PDE1C: variants seen among roughly 807,000 people sequenced by gnomAD.
The protein encoded by PDE1C is dual specificity calcium/calmodulin-dependent 3',5'-cyclic nucleotide phosphodiesterase 1C.
Under a neutral mutation model 93.1 loss-of-function variants are expected in PDE1C, and 62 were observed. The ratio of observed to expected loss-of-function variants is 0.67; its 90% CI spans 0.54 to 0.82. PDE1C has a LOEUF of 0.82. Among genes scored for constraint, PDE1C ranks in the 40% least tolerant of loss-of-function variants. The probability of loss-of-function intolerance (pLI) is 0.00; values close to 1 mark genes in which losing one functional copy is unlikely to be tolerated. For missense variants in PDE1C, 742 were observed against 884.6 expected, an observed-to-expected ratio of 0.84 and a Z score of 2.04; for synonymous variants, 325 against 310.1, an observed-to-expected ratio of 1.05 and a Z score of -0.50.
the PDE1C span, among the ~76,000 whole-genome samples, chr7:31,676,778 T>C: frequency 2.0e-5 from 3 of 151,924 alleles, no homozygotes; most frequent in East Asian, 5.8e-4. Context: ...ATGAATAAAA[T>C]TTAAATAGAC....
chr7:31,921,899 A>G (rs7798000), intron 2 of PDE1C, among the ~76,000 whole-genome samples: 15,180 of 152,262 alleles, frequency 0.1, 976 homozygotes, highest in Admixed American at 0.21. Flanking sequence ...CTACATAAGT[A>G]TTTTATACAC....
chr7:31,850,478 T>A (rs770468590), intron 8 of PDE1C, among the ~76,000 whole-genome samples, 163 bp downstream of exon 8: 1 of 152,132 alleles, frequency 6.6e-6, no homozygotes, highest in African/African-American at 2.4e-5. Flanking sequence ...ACTCTAAGTC[T>A]TGATTGAAGC....
At chr7:32,243,895 GC>G (rs1244141334) in intron 1 of PDE1C, among the ~76,000 whole-genome samples, 1 of 152,182 alleles carries the variant, frequency 6.6e-6, no homozygotes, top group Non-Finnish European at 1.5e-5. Context: ...TTCTGAACTG[GC>G]TGTAGAAAGA....
intron 1 of PDE1C, among the ~76,000 whole-genome samples, chr7:32,293,344 C>T (rs1034863811): frequency 5.9e-5 from 9 of 152,094 alleles, no homozygotes; most frequent in Non-Finnish European, 8.8e-5. Context: ...CCCCTAAAAG[C>T]GGGCACTCTA....
intron 2 of PDE1C, among the ~76,000 whole-genome samples, chr7:32,035,495 TTTGTTTGGTTG>T (rs1229096725): frequency 6.6e-6 from 1 of 152,208 alleles, no homozygotes; most frequent in African/African-American, 2.4e-5. Context: ...ACCTAGCTTG[TTTGTTTGGTTG>T]TTGTTTGTTT....
At chr7:31,770,556 G>C (rs1276487177) in intron 17 of PDE1C, among the ~76,000 whole-genome samples, 1 of 151,946 alleles carries the variant, frequency 6.6e-6, no homozygotes, top group Admixed American at 6.6e-5. Flanking sequence ...CTGTTGCCCA[G>C]GCTGGGGTGC....
Position 32,193,916 on chromosome 7 carries a change from G to GTT in PDE1C, c.136+15571_136+15572dup, listed in dbSNP as rs1554283858. Among the ~76,000 whole-genome samples, 212 of 115,240 alleles carry GTT rather than the reference G, an allele frequency of 1.8e-3. 1 individual carries two copies. Among genetic ancestry groups the GTT allele is most frequent in the Non-Finnish European group, 2.4e-3 (140 of 58,450 alleles). The allele number at this position is 115,240 out of a possible 152,430, so 75.6% of individuals were successfully genotyped here. On this transcript the variant is annotated intron_variant, in intron 2 of 18. Transcript: ENST00000396193. ...TGGTTTTTTTTTTTGGTTTTGTTTT[G>GTT]TTTTTTTTTTTTTTTTGAGACGGAG...
chr7:31,988,412 C>G (rs1783691077), intron 2 of PDE1C, among the ~76,000 whole-genome samples: 1 of 152,200 alleles, frequency 6.6e-6, no homozygotes, highest in Admixed American at 6.5e-5. Flanking sequence ...CCTAACCACT[C>G]AAAAGATGAC....
chr7:32,220,744 G>A (rs1354773390), intron 1 of PDE1C, among the ~76,000 whole-genome samples: 2 of 152,226 alleles, frequency 1.3e-5, no homozygotes, highest in Non-Finnish European at 2.9e-5. Flanking sequence ...CGTGAACCCA[G>A]GAGGTGGAGC....
chr7:31,768,126 T>C (rs6953778), intron 17 of PDE1C, among the ~76,000 whole-genome samples: 1 of 152,074 alleles, frequency 6.6e-6, no homozygotes, highest in Admixed American at 6.5e-5. Flanking sequence ...TCTAAATAGC[T>C]TGTTTAATCA....
chr7:31,631,448 C>T, the PDE1C span, among the ~76,000 whole-genome samples: 4 of 152,116 alleles, frequency 2.6e-5, no homozygotes, highest in African/African-American at 9.7e-5. Context: ...AGATTTTAGT[C>T]ATTTTCTTAC....
chr7:31,691,134 T>C, the PDE1C span, among the ~76,000 whole-genome samples: 7 of 152,248 alleles, frequency 4.6e-5, no homozygotes, highest in African/African-American at 1.7e-4. Flanking sequence ...CTGAAGTCAC[T>C]CAGTACAATC....
the PDE1C span, among the ~76,000 whole-genome samples, chr7:31,629,088 G>T: frequency 1.9e-4 from 29 of 152,126 alleles, no homozygotes; most frequent in African/African-American, 5.6e-4. Flanking sequence ...TGTTCACTTA[G>T]CCCTGGAAAC....
chr7:32,421,912 G>C (rs1488680815), intron 1 of PDE1C, among the ~76,000 whole-genome samples: 1 of 152,086 alleles, frequency 6.6e-6, no homozygotes, highest in Admixed American at 6.6e-5. Context: ...TGGCTAGGCA[G>C]GTTACTTGAT....
At chr7:32,077,122 C>T (rs1432778934) in intron 3 of PDE1C, among the ~76,000 whole-genome samples, 1 of 152,158 alleles carries the variant, frequency 6.6e-6, no homozygotes. Flanking sequence ...TTCCTGTAGT[C>T]CCAGCTACTC....
At chr7:31,753,980 A>C (rs1051208817) in intron 17 of PDE1C, among the ~76,000 whole-genome samples, 1 of 152,246 alleles carries the variant, frequency 6.6e-6, no homozygotes, top group Non-Finnish European at 1.5e-5. Context: ...TTAAAAGTGC[A>C]TCATTAAGAA....
intron 2 of PDE1C, among the ~76,000 whole-genome samples, chr7:31,888,073 C>A (rs1442255488): frequency 1.3e-5 from 2 of 151,150 alleles, no homozygotes; most frequent in African/African-American, 2.4e-5. Flanking sequence ...ATGGTGAAAC[C>A]CTGTCTCTAC....
At chr7:32,163,125 GAGAGTAGGT>G (rs1802022545) in intron 3 of PDE1C, among the ~76,000 whole-genome samples, 1 of 152,204 alleles carries the variant, frequency 6.6e-6, no homozygotes, top group African/African-American at 2.4e-5. Flanking sequence ...ACTAAGTCAG[GAGAGTAGGT>G]GTCCCCAGAA....
intron 1 of PDE1C, among the ~76,000 whole-genome samples, chr7:32,359,250 G>A (rs760587130): frequency 3.3e-5 from 5 of 151,968 alleles, no homozygotes; most frequent in Non-Finnish European, 4.4e-5. Context: ...ATAAATCCCC[G>A]TTTTTCCATG....
Sources: allele counts gnomAD v4.1 joint callset (sites outside exome capture counted in the v4.1 genomes callset), GRCh38; gene constraint gnomAD v4.1.1; transcripts MANE v1.5; gene names NCBI Gene and HGNC (gene_info 2026-07-23, HGNC 2026-07-21).